Variants in FANCL observed in about 807,000 individuals in gnomAD.
FANCL encodes E3 ubiquitin-protein ligase FANCL.
In FANCL, 69 loss-of-function variants were observed where a neutral mutation model predicts 59.4. The observed-to-expected ratio is 1.16, with a 90% CI of 0.96 to 1.42. The LOEUF is 1.42. FANCL is among the 40% of genes most tolerant of loss of function. The pLI is 0.00. For synonymous variants in FANCL, 180 were observed against 147.1 expected (o/e 1.22, Z -1.62); for missense variants, 519 against 447.2 (o/e 1.16, Z -1.45).
rs777241643 is a variant in FANCL, at chr2:58,161,519, T to C, written c.1020+3A>G. The C allele has an allele frequency of 1.4e-5, 22 of 1,553,722 alleles. No individual in the cohort carries two copies. Among genetic ancestry groups the C allele is most frequent in the Non-Finnish European group, 1.8e-5 (20 of 1,125,408 alleles). ...AAGTCTTGACAATATTTTTATTTTT[T>C]ACCTCATATAAGCATATTTGATGGA... On this transcript the variant is annotated splice_donor_region_variant and intron_variant, in intron 12 of 13. Coordinates refer to ENST00000233741, the MANE Select transcript of FANCL (RefSeq NM_018062.4).
At chr2:58,160,473 A>G (rs983392214) in intron 12 of FANCL, among the ~76,000 whole-genome samples, 9 of 152,038 alleles carry the variant, frequency 5.9e-5, no homozygotes, top group African/African-American at 2.2e-4. Flanking sequence ...TCCCCAGAAT[A>G]GACATACATA....
intron 7 of FANCL, among the ~76,000 whole-genome samples, chr2:58,171,417 G>C (rs529707345): frequency 6.6e-6 from 1 of 152,264 alleles, no homozygotes; most frequent in Non-Finnish European, 1.5e-5. Context: ...GCCCACATGA[G>C]AAAGCAGAAA....
chr2:58,226,689 C>T (rs1693032448), intron 4 of FANCL, 39 bp downstream of exon 4: 4 of 1,442,922 alleles, frequency 2.8e-6, no homozygotes, highest in East Asian at 2.3e-5. Flanking sequence ...TCAAGACTTG[C>T]AGTATGGTAA....
intron 6 of FANCL, among the ~76,000 whole-genome samples, chr2:58,200,777 G>C (rs930608213): frequency 6.6e-6 from 1 of 151,676 alleles, no homozygotes; most frequent in Non-Finnish European, 1.5e-5. Context: ...GTAAATATAT[G>C]ATCCTACATA....
intron 12 of FANCL, 42 bp downstream of exon 12, chr2:58,161,480 G>T: frequency 8.6e-7 from 1 of 1,166,622 alleles, no homozygotes; most frequent in Non-Finnish European, 1.3e-6. Flanking sequence ...TTCCTATGTT[G>T]TGTTAGCGGA....
At chr2:58,212,187 G>A (rs1264326417) in intron 5 of FANCL, among the ~76,000 whole-genome samples, 1 of 152,204 alleles carries the variant, frequency 6.6e-6, no homozygotes, top group Non-Finnish European at 1.5e-5. Flanking sequence ...CATGGTGGAA[G>A]GCAAAGAGGA....
intron 1 of FANCL, among the ~76,000 whole-genome samples, chr2:58,233,561 A>G (rs1558827314): frequency 6.6e-6 from 1 of 151,986 alleles, no homozygotes; most frequent in Non-Finnish European, 1.5e-5. Flanking sequence ...CAAAAATCCC[A>G]TGTTTTCAGC....
chr2:58,181,140 TAACAGTCCA>T (rs1242129769), intron 7 of FANCL, among the ~76,000 whole-genome samples: 10 of 152,192 alleles, frequency 6.6e-5, no homozygotes, highest in South Asian at 6.2e-4. Context: ...CAAAAACTGG[TAACAGTCCA>T]GATGTTTGTC....
chr2:58,170,538 G>A (rs1352746698), intron 7 of FANCL, among the ~76,000 whole-genome samples: 2 of 151,752 alleles, frequency 1.3e-5, no homozygotes, highest in Non-Finnish European at 1.5e-5. Flanking sequence ...AAATGTAAAC[G>A]AGCTAAATCC....
intron 5 of FANCL, among the ~76,000 whole-genome samples, chr2:58,214,190 G>T (rs747756237): frequency 4.6e-5 from 7 of 152,046 alleles, no homozygotes; most frequent in Non-Finnish European, 7.4e-5. Context: ...AAAAAAGGAG[G>T]CAATTATATT....
chr2:58,200,679 A>G (rs1689918641), intron 6 of FANCL, among the ~76,000 whole-genome samples: 1 of 151,964 alleles, frequency 6.6e-6, no homozygotes, highest in African/African-American at 2.4e-5. Flanking sequence ...AAGATACTAC[A>G]TTCAAGTAGG....
At chr2:58,211,207 G>A (rs750574743) in intron 5 of FANCL, among the ~76,000 whole-genome samples, 17 of 152,214 alleles carry the variant, frequency 1.1e-4, no homozygotes, top group Admixed American at 3.3e-4. Flanking sequence ...AAATCTAGGC[G>A]GAGGTTCTGA....
intron 7 of FANCL, among the ~76,000 whole-genome samples, chr2:58,177,139 T>C (rs1687413820): frequency 1.3e-5 from 2 of 152,146 alleles, no homozygotes; most frequent in Non-Finnish European, 2.9e-5. Flanking sequence ...CAACAGGTGC[T>C]GGAGAGGATG....
At chr2:58,180,581 T>C (rs1687837858) in intron 7 of FANCL, among the ~76,000 whole-genome samples, 1 of 151,948 alleles carries the variant, frequency 6.6e-6, no homozygotes, top group African/African-American at 2.4e-5. Context: ...AGGTGAGGGA[T>C]AGTATTAGGA....
chr2:58,163,518 C>T lies in FANCL; in HGVS notation c.692-1G>A, dbSNP rs1222625954. On this transcript the variant is annotated splice_acceptor_variant, in intron 8 of 13. Transcript: ENST00000233741. LOFTEE classifies it high-confidence loss of function. ...TCTATATTTATGGAAACATTATTACCTAGAATGAAACAAGATTAAATCTTT... is the reference window on the plus strand; with the variant it reads ...TCTATATTTATGGAAACATTATTACTTAGAATGAAACAAGATTAAATCTTT... 1 of 1,569,004 alleles carries T rather than the reference C, an allele frequency of 6.4e-7. No individual in the cohort carries two copies. Among genetic ancestry groups the T allele is most frequent in the East Asian group, 2.2e-5 (1 of 44,538 alleles).
At chr2:58,212,697 C>T (rs892876760) in intron 5 of FANCL, among the ~76,000 whole-genome samples, 3 of 152,010 alleles carry the variant, frequency 2.0e-5, no homozygotes, top group Admixed American at 1.3e-4. Flanking sequence ...CAGAAGTTAA[C>T]AGAAACCCAC....
chr2:58,224,732 T>C (rs564478686), intron 4 of FANCL, among the ~76,000 whole-genome samples: 3 of 151,900 alleles, frequency 2.0e-5, no homozygotes, highest in Non-Finnish European at 4.4e-5. Context: ...AAGTGAAATA[T>C]AACAAGTAGA....
intron 7 of FANCL, among the ~76,000 whole-genome samples, chr2:58,176,903 G>C (rs1687381855): frequency 6.6e-6 from 1 of 151,920 alleles, no homozygotes; most frequent in African/African-American, 2.4e-5. Flanking sequence ...CTAATATCCA[G>C]AATCTACAAA....
At chr2:58,173,310 G>A (rs1167787111) in intron 7 of FANCL, among the ~76,000 whole-genome samples, 2 of 151,940 alleles carry the variant, frequency 1.3e-5, no homozygotes, top group African/African-American at 4.8e-5. Flanking sequence ...CTCTCGAGAA[G>A]AGCAACTCCA....
Sources: allele counts gnomAD v4.1 joint callset (sites outside exome capture counted in the v4.1 genomes callset), GRCh38; gene constraint gnomAD v4.1.1; transcripts MANE v1.5; gene names NCBI Gene and HGNC (gene_info 2026-07-23, HGNC 2026-07-21).